The following DGKD variants were observed in gnomAD, a reference collection of about 807,000 sequenced individuals.
The protein encoded by DGKD is diacylglycerol kinase delta.
DGKD carries 68 observed loss-of-function variants against 154.4 expected under a neutral mutation model. That is an observed-to-expected ratio of 0.44 (90% CI 0.36 to 0.54). The LOEUF (loss-of-function observed/expected upper bound fraction) is 0.54, where lower values mean the gene tolerates loss of function less well. Ranked by LOEUF, DGKD falls within the 20% of genes least tolerant of loss-of-function variation. The pLI is 0.00. For missense variants in DGKD, 1,343 were observed against 1,593.6 expected (o/e 0.84, Z 2.68); for synonymous variants, 693 against 638.0 (o/e 1.09, Z -1.30).
chr2:233,432,078 A>G (rs1424170927), intron 3 of DGKD, among the ~76,000 whole-genome samples: 1 of 152,272 alleles, frequency 6.6e-6, no homozygotes, highest in African/African-American at 2.4e-5. Context: ...GTGAGGAGAC[A>G]GCCTACAGAA....
intron 1 of DGKD, among the ~76,000 whole-genome samples, chr2:233,365,912 G>A (rs926100697): frequency 2.0e-5 from 3 of 152,102 alleles, no homozygotes; most frequent in African/African-American, 7.2e-5. Context: ...ACGTATATTA[G>A]AAAAGAAGAC....
chr2:233,394,690 C>CTTTT lies in DGKD; in HGVS notation c.348+4207_348+4208insTTTT, dbSNP rs1703879704. ...TTCCTTATTATTTTGAATTTAATTC[C>CTTTT]CTTTTTTTTTTTTTTTTTTTTTTTT... is the stretch of plus-strand genomic sequence containing the variant. On this transcript the variant is annotated intron_variant, in intron 3 of 29. Coordinates refer to ENST00000264057, the MANE Select transcript of DGKD (RefSeq NM_152879.3). 3.5e-3 allele frequency among the ~76,000 whole-genome samples: 294 copies of CTTTT among 83,180 alleles called. 21 individuals are homozygous for CTTTT. The highest frequency in any genetic ancestry group is 4.0e-3 in the African/African-American group (90 of 22,680). 54.6% of individuals were successfully genotyped at this position (83,180 alleles called of 152,430 possible).
At position 233,449,116 on chromosome 2, in the gene DGKD, A is replaced by G; in HGVS notation, c.1628A>G (p.Lys543Arg). ...EVMAKKCSVL[K>R]EKLDSLLKTL... is the part of the protein sequence containing the mutation. ...TTCCTTGTTCAGTGCTCTGTCCTGA[A>G]AGAGAAGCTGGATTCCCTTCTCAAG... Residue 543 changes from lysine to arginine, a missense_variant, in exon 15 of 30, where the codon AAA becomes AGA. Lys to Arg is a conservative substitution (Grantham distance 26). This residue lies in a region of DGKD where 409 missense variants were observed against 446.0 expected (regional missense o/e 0.92). Coordinates refer to ENST00000264057, the MANE Select transcript of DGKD (RefSeq NM_152879.3). The surrounding 1 kb of genome is among the most constrained non-coding windows in gnomAD (Gnocchi z 5.3). The G allele has an allele frequency of 6.3e-7, 1 of 1,597,022 alleles. No homozygotes were observed. The highest frequency in any genetic ancestry group is 2.3e-5 in the East Asian group (1 of 44,386).
rs756602571 is a variant in DGKD at position 233,435,940 on chromosome 2, C to T, written c.693+16C>T. 1 of 1,594,150 alleles carries T rather than the reference C, an allele frequency of 6.3e-7. No homozygotes were observed. Among genetic ancestry groups the T allele is most frequent in the East Asian group, 2.2e-5 (1 of 44,534 alleles). On this transcript the variant is annotated intron_variant, in intron 6 of 29. Transcript: ENST00000264057. ...TGCAGATGGGGTATGTTAAGAAATA[C>T]CACCTGTGGGGCCCTGAGCCAGGGT...
At chr2:233,446,136 CAGA>C (rs1184630774) in intron 11 of DGKD, among the ~76,000 whole-genome samples, 1 of 152,230 alleles carries the variant, frequency 6.6e-6, no homozygotes, top group Admixed American at 6.5e-5. Flanking sequence ...ATTCTGTTCC[CAGA>C]AGAAGTTTTG....
chr2:233,377,647 A>G (rs2125411272), intron 1 of DGKD, among the ~76,000 whole-genome samples: 1 of 152,250 alleles, frequency 6.6e-6, no homozygotes, highest in East Asian at 1.9e-4. Flanking sequence ...CTTTTGGGAT[A>G]GATTCCTAGG....
intron 3 of DGKD, among the ~76,000 whole-genome samples, chr2:233,423,534 G>T (rs142451453): frequency 3.5e-4 from 54 of 152,146 alleles, no homozygotes; most frequent in African/African-American, 1.2e-3. Flanking sequence ...CTTATTTGCC[G>T]CTTGCATATC....
At chr2:233,464,143 C>G in intron 26 of DGKD, 21 bp from the exon 27 acceptor site, 3 of 1,612,542 alleles carry the variant, frequency 1.9e-6, no homozygotes, top group Non-Finnish European at 2.5e-6. Context: ...ATTTCTCTCT[C>G]CCTCCCTCCG....
rs191209487 is a variant in DGKD at position 233,451,475 on chromosome 2, A to C, written c.2167+425A>C. On this transcript the variant is annotated intron_variant, in intron 17 of 29. Coordinates refer to ENST00000264057, the MANE Select transcript of DGKD (RefSeq NM_152879.3). ...ATTCCTTGATATTCATTCCTTAGGA[A>C]GGCAGCCTTATAAAGCCTTAAGCCT... Among the ~76,000 whole-genome samples the C allele has an allele frequency of 1.1e-3, 175 of 152,218 alleles. 1 individual carries two copies. In the East Asian group the frequency reaches 0.023, roughly 20 times the overall value.
In DGKD at chr2:233,434,848, A is replaced by T; in HGVS notation, c.533A>T (p.Asn178Ile). The T allele has an allele frequency of 1.9e-6, 3 of 1,614,194 alleles. No homozygotes were observed. The highest frequency in any genetic ancestry group is 2.5e-6 in the Non-Finnish European group (3 of 1,180,032). ...ACSHARPTYCNVCREALSGVT... is the reference protein window; with the variant it reads ...ACSHARPTYCIVCREALSGVT... ...TCCCACGCGAGGCCGACCTACTGCA[A>T]TGTGTGCCGTGAGGCTCTGTCTGGG... Residue 178 changes from asparagine to isoleucine, a missense_variant, in exon 5 of 30, where the codon AAT (asparagine) becomes ATT (isoleucine). This residue lies in a region of DGKD where 332 missense variants were observed against 400.1 expected (regional missense o/e 0.83). Transcript: ENST00000264057.
intron 24 of DGKD, 31 bp from the exon 25 acceptor site, chr2:233,462,317 G>A: frequency 6.4e-7 from 1 of 1,564,474 alleles, no homozygotes; most frequent in South Asian, 1.1e-5. Flanking sequence ...CATTTGGCCT[G>A]ACATCTGCCC....
intron 27 of DGKD, 128 bp downstream of exon 27, chr2:233,464,411 C>G (rs1289494201): frequency 8.3e-7 from 1 of 1,202,884 alleles, no homozygotes; most frequent in Non-Finnish European, 1.2e-6. Context: ...CCCTGAGGGG[C>G]CTTCTCCAGA....
chr2:233,418,094 C>T (rs1308490878), intron 3 of DGKD, among the ~76,000 whole-genome samples: 2 of 152,184 alleles, frequency 1.3e-5, no homozygotes, highest in African/African-American at 4.8e-5. Context: ...TTATGACCTG[C>T]TTTTAAAACT....
Position 233,470,666 on chromosome 2 carries a change from G to A in DGKD, c.*1206G>A, listed in dbSNP as rs1284164870. On this transcript the variant is annotated 3_prime_UTR_variant, in exon 30 of 30. Coordinates refer to ENST00000264057, the MANE Select transcript of DGKD (RefSeq NM_152879.3). ...GTGAAGGATGCCCCTGGTCCTCCAG[G>A]GCACTGACTTTGCCCTTTTTTCCCG... 2 of 152,242 alleles carry A rather than the reference G, an allele frequency of 1.3e-5. No homozygotes were observed. The highest frequency in any genetic ancestry group is 2.4e-5 in the African/African-American group (1 of 41,384). The allele number at this position is 152,242 out of a possible 1,614,324, so 9.4% of individuals were successfully genotyped here.
At chr2:233,407,581 C>A (rs1469152424) in intron 3 of DGKD, among the ~76,000 whole-genome samples, 3 of 152,080 alleles carry the variant, frequency 2.0e-5, no homozygotes, top group African/African-American at 7.2e-5. Flanking sequence ...GCCTGGGCAG[C>A]ATAACAAGAT....
At chr2:233,394,724 T>TA (rs1703894354) in intron 3 of DGKD, among the ~76,000 whole-genome samples, 1 of 133,322 alleles carries the variant, frequency 7.5e-6, no homozygotes, top group Admixed American at 8.1e-5. Flanking sequence ...TTTTTTTTTT[T>TA]AGAGATAGGC....
At chr2:233,439,807 T>G (rs888146279) in intron 9 of DGKD, among the ~76,000 whole-genome samples, 2 of 152,084 alleles carry the variant, frequency 1.3e-5, no homozygotes, top group Non-Finnish European at 2.9e-5. Flanking sequence ...GTTGTCCAGG[T>G]TGGTTTCAAA....
chr2:233,386,420 T>C (rs1032310437), intron 1 of DGKD, among the ~76,000 whole-genome samples: 6 of 152,220 alleles, frequency 3.9e-5, no homozygotes, highest in Admixed American at 1.3e-4. Context: ...TCCTTCACAC[T>C]GAAGACTGGT....
chr2:233,469,202 A>G (rs990083585), intron 29 of DGKD, among the ~76,000 whole-genome samples, 169 bp from the exon 30 acceptor site: 1 of 152,210 alleles, frequency 6.6e-6, no homozygotes, highest in African/African-American at 2.4e-5. Flanking sequence ...AGGCATCTGT[A>G]TGGTTGTTAC....
Sources: gnomAD v4.1 joint callset for allele counts (sites outside exome capture counted in the v4.1 genomes callset) on GRCh38, gnomAD v4.1.1 for gene constraint, gnomAD v4.1.1 regional missense constraint, Gnocchi (gnomAD v3.1) non-coding constraint, MANE v1.5 for transcripts, NCBI Gene and HGNC (gene_info 2026-07-23, HGNC 2026-07-21) for gene names.